SPEF2: variants seen among roughly 807,000 people sequenced by gnomAD.
SPEF2 encodes the protein sperm flagella and cilia-associated protein 2.
Under a neutral mutation model 224.6 loss-of-function variants are expected in SPEF2, and 187 were observed. That is an observed-to-expected ratio of 0.83 (90% CI 0.74 to 0.94). The LOEUF (loss-of-function observed/expected upper bound fraction) is 0.94. Among genes scored for constraint, SPEF2 ranks in the 40% least tolerant of loss-of-function variants. SPEF2 has a pLI of 0.00. For missense variants in SPEF2, 2,170 were observed against 2,135.6 expected (o/e 1.02, Z -0.32); for synonymous variants, 715 against 707.3 (o/e 1.01, Z -0.17).
intron 28 of SPEF2, 88 bp downstream of exon 28, chr5:35,774,109 A>G: frequency 6.7e-7 from 1 of 1,502,366 alleles, no homozygotes; most frequent in Non-Finnish European, 8.9e-7. Context: ...CAATTGCCTC[A>G]GACCATGTCT....
intron 20 of SPEF2, among the ~76,000 whole-genome samples, chr5:35,718,424 T>C (rs1743008299): frequency 6.6e-6 from 1 of 152,096 alleles, no homozygotes; most frequent in Non-Finnish European, 1.5e-5. Flanking sequence ...AGAGTGAAGA[T>C]GAATGACCAC....
intron 1 of SPEF2, among the ~76,000 whole-genome samples, chr5:35,626,897 A>G (rs1446907722): frequency 6.6e-6 from 1 of 152,154 alleles, no homozygotes; most frequent in East Asian, 1.9e-4. Context: ...ACTTAGCTCA[A>G]CTTCCTACAA....
At chr5:35,722,870 A>G (rs1743990403) in intron 20 of SPEF2, among the ~76,000 whole-genome samples, 1 of 151,912 alleles carries the variant, frequency 6.6e-6, no homozygotes, top group South Asian at 2.1e-4. Context: ...CATTTCACTC[A>G]CTGCTTCTCA....
intron 2 of SPEF2, 118 bp from the exon 3 acceptor site, chr5:35,641,313 A>G: frequency 8.4e-7 from 1 of 1,189,636 alleles, no homozygotes; most frequent in East Asian, 2.5e-5. Flanking sequence ...GAGGAATGAT[A>G]CAGCTAAAAG....
chr5:35,710,764 T>C (rs537095912), intron 19 of SPEF2: 2 of 985,378 alleles, frequency 2.0e-6, no homozygotes, highest in South Asian at 4.7e-5. Flanking sequence ...GCTCAGTCTT[T>C]AAGTTTCTGA....
chr5:35,796,663 C>G (rs1051513428), intron 33 of SPEF2, among the ~76,000 whole-genome samples: 2 of 151,336 alleles, frequency 1.3e-5, no homozygotes, highest in African/African-American at 4.9e-5. Flanking sequence ...ATGAAAAAAA[C>G]TGAATGGTAG....
intron 21 of SPEF2, among the ~76,000 whole-genome samples, chr5:35,734,565 T>C (rs1234195506): frequency 6.6e-6 from 1 of 152,202 alleles, no homozygotes; most frequent in African/African-American, 2.4e-5. Context: ...AGGCCATGGA[T>C]TGGACAAGCT....
At position 35,659,143 on chromosome 5, in the gene SPEF2, T is replaced by C; in HGVS notation, c.1103T>C (p.Phe368Ser). 3.1e-6 allele frequency: 5 copies of C among 1,613,416 alleles called. No homozygotes were observed. The highest frequency in any genetic ancestry group is 4.2e-6 in the Non-Finnish European group (5 of 1,179,624). ...EKEVLWQNRI[F>S]REKQHEERRL... ...GAAGTTTTATGGCAAAACAGAATTT[T>C]CAGAGAAAAACAACATGAGGAAAGA... is the stretch of plus-strand genomic sequence containing the variant. Residue 368 changes from phenylalanine (F) to serine (S), a missense_variant, in exon 8 of 37, where the codon TTC (phenylalanine) becomes TCC (serine). Physicochemically the swap from Phe to Ser is radical, Grantham distance 155. Coordinates refer to ENST00000356031, the MANE Select transcript of SPEF2 (RefSeq NM_024867.4).
At position 35,812,078 on chromosome 5, in the gene SPEF2, G is replaced by A. The variant is rs183745985; in HGVS notation, c.5380-2386G>A. Among the ~76,000 whole-genome samples the A allele has an allele frequency of 5.9e-5, 9 of 152,084 alleles. No individual in the cohort carries two copies. The East Asian group carries it at 1.5e-3, about 26-fold the overall frequency. ...GCTGGGATTACAGGCATGAGCCACC[G>A]CACCTGGCCTCCCATTACTTTTGAT... On this transcript the variant is annotated intron_variant, in intron 36 of 36. Transcript: ENST00000356031.
At chr5:35,631,685 A>C (rs1745154544) in intron 2 of SPEF2, among the ~76,000 whole-genome samples, 1 of 152,240 alleles carries the variant, frequency 6.6e-6, no homozygotes, top group Non-Finnish European at 1.5e-5. Flanking sequence ...ATAGCCAAAA[A>C]GTAGAAACAA....
At chr5:35,643,466 C>T (rs1213655138) in intron 3 of SPEF2, 1 of 455,776 alleles carries the variant, frequency 2.2e-6, no homozygotes, top group South Asian at 1.6e-5. Flanking sequence ...GAGAGAAAAG[C>T]TCAAGTGAAG....
intron 34 of SPEF2, 49 bp from the exon 35 acceptor site, chr5:35,806,658 T>G: frequency 6.4e-7 from 1 of 1,572,778 alleles, no homozygotes; most frequent in Non-Finnish European, 8.6e-7. Context: ...TCTCCATTGG[T>G]GGAAAAAACT....
At chr5:35,637,103 T>C (rs1745944335) in intron 2 of SPEF2, among the ~76,000 whole-genome samples, 1 of 152,064 alleles carries the variant, frequency 6.6e-6, no homozygotes. Flanking sequence ...ATAGCTGCCA[T>C]GGTTGTAAGT....
chr5:35,624,278 G>A (rs1743913047), intron 1 of SPEF2, among the ~76,000 whole-genome samples: 1 of 152,216 alleles, frequency 6.6e-6, no homozygotes, highest in African/African-American at 2.4e-5. Context: ...TAGAGGCAGG[G>A]TTGAGTTGCT....
intron 36 of SPEF2, among the ~76,000 whole-genome samples, chr5:35,808,762 A>G (rs1580813715): frequency 2.7e-5 from 4 of 147,648 alleles, no homozygotes; most frequent in Non-Finnish European, 6.0e-5. Context: ...ATTTATATGT[A>G]TATATATACA....
intron 7 of SPEF2, among the ~76,000 whole-genome samples, chr5:35,656,211 T>C (rs1271345265): frequency 6.6e-6 from 1 of 152,120 alleles, no homozygotes; most frequent in African/African-American, 2.4e-5. Context: ...ATAGGACAAA[T>C]CTGCATGTCT....
At chr5:35,716,601 A>G (rs554430128) in intron 20 of SPEF2, among the ~76,000 whole-genome samples, 1 of 152,280 alleles carries the variant, frequency 6.6e-6, no homozygotes, top group East Asian at 1.9e-4. Context: ...AAGACTTCCA[A>G]ATATTTTTTG....
chr5:35,753,566 C>G, intron 23 of SPEF2, 58 bp from the exon 24 acceptor site: 1 of 1,607,142 alleles, frequency 6.2e-7, no homozygotes, highest in Non-Finnish European at 8.5e-7. Context: ...TTTATTGCAC[C>G]TAGGTGATTT....
chr5:35,731,789 A>G (rs1745683542), intron 21 of SPEF2, among the ~76,000 whole-genome samples: 1 of 152,212 alleles, frequency 6.6e-6, no homozygotes, highest in African/African-American at 2.4e-5. Context: ...AGGGAAAACT[A>G]TTTAATTGCA....
Sources: allele counts gnomAD v4.1 joint callset (sites outside exome capture counted in the v4.1 genomes callset), GRCh38; gene constraint gnomAD v4.1.1; transcripts MANE v1.5; gene names NCBI Gene and HGNC (gene_info 2026-07-23, HGNC 2026-07-21).